The following PTPRD variants were observed in gnomAD, a reference collection of about 807,000 sequenced individuals.
PTPRD encodes protein tyrosine phosphatase receptor type D, also known as receptor-type tyrosine-protein phosphatase delta.
Under a neutral mutation model 214.5 loss-of-function variants are expected in PTPRD, and 34 were observed. That is an observed-to-expected ratio of 0.16 (90% CI 0.12 to 0.21). The LOEUF (loss-of-function observed/expected upper bound fraction) is 0.21. Among genes scored for constraint, PTPRD ranks in the 10% least tolerant of loss-of-function variants. PTPRD has a pLI of 1.00. For missense variants in PTPRD, 2,545 were observed against 2,398.7 expected, an observed-to-expected ratio of 1.06 and a Z score of -1.27; for synonymous variants, 1,128 against 845.7, an observed-to-expected ratio of 1.33 and a Z score of -5.79.
At position 8,986,653 on chromosome 9, in the gene PTPRD, G is replaced by A. The variant is rs1464801307; in HGVS notation, c.-104+32044C>T. On this transcript the variant is annotated intron_variant, in intron 11 of 45. Coordinates refer to ENST00000381196, the MANE Select transcript of PTPRD (RefSeq NM_002839.4). ...ATATTTAGCCCTCATAAATAATTGC[G>A]GTGAACATCTTAGAACACAAATTTT... Among the ~76,000 whole-genome samples the A allele has an allele frequency of 4.0e-5, 6 of 151,738 alleles. No individual in the cohort carries two copies. The South Asian group carries it at 8.3e-4, about 21-fold the overall frequency.
At chr9:9,684,533 T>G (rs2097134475) in intron 7 of PTPRD, among the ~76,000 whole-genome samples, 1 of 151,704 alleles carries the variant, frequency 6.6e-6, no homozygotes, top group African/African-American at 2.4e-5. Flanking sequence ...GCTTATTATT[T>G]TAGCTGGTAA....
At chr9:8,815,882 T>C (rs953232947) in intron 11 of PTPRD, among the ~76,000 whole-genome samples, 2 of 152,246 alleles carry the variant, frequency 1.3e-5, no homozygotes, top group African/African-American at 4.8e-5. Context: ...TATTATTGAA[T>C]GTACAAGTGA....
intron 11 of PTPRD, among the ~76,000 whole-genome samples, chr9:8,962,386 A>G (rs2099163247): frequency 6.6e-6 from 1 of 152,116 alleles, no homozygotes; most frequent in Non-Finnish European, 1.5e-5. Context: ...CTTTCCTATG[A>G]AAACATGCAG....
rs777180044 is a variant in PTPRD at position 9,630,332 on chromosome 9, A to G, written c.-286-55551T>C. On this transcript the variant is annotated intron_variant, in intron 7 of 45. Transcript: ENST00000381196. ...ATCTTTTCCAGTTACCTAAGAAGAG[A>G]CCTGCTCTTTTCCTGATTTCCCCTC... is the stretch of plus-strand genomic sequence containing the variant. Among the ~76,000 whole-genome samples the G allele has an allele frequency of 3.1e-4, 47 of 152,266 alleles. No individual in the cohort carries two copies. The Middle Eastern group carries it at 0.01, about 33-fold the overall frequency.
At chr9:8,678,447 A>C (rs1157465267) in intron 12 of PTPRD, among the ~76,000 whole-genome samples, 2 of 152,150 alleles carry the variant, frequency 1.3e-5, no homozygotes, top group Admixed American at 6.5e-5. Flanking sequence ...GAGAGAATCT[A>C]TACTCTCTTG....
chr9:10,126,026 A>G (rs1220569674), intron 3 of PTPRD, among the ~76,000 whole-genome samples: 1 of 152,150 alleles, frequency 6.6e-6, no homozygotes, highest in East Asian at 1.9e-4. Context: ...TTGGGAAGAG[A>G]ACAGAAATAG....
intron 3 of PTPRD, among the ~76,000 whole-genome samples, chr9:10,217,743 C>T (rs1005973996): frequency 9.2e-5 from 14 of 151,856 alleles, no homozygotes; most frequent in African/African-American, 3.4e-4. Context: ...ATAATAATGG[C>T]CTATCATGTG....
chr9:9,173,668 G>C (rs949065386), intron 10 of PTPRD, among the ~76,000 whole-genome samples: 1 of 152,030 alleles, frequency 6.6e-6, no homozygotes, highest in African/African-American at 2.4e-5. Flanking sequence ...TCTAAACATA[G>C]AAAAGGTAAA....
intron 4 of PTPRD, among the ~76,000 whole-genome samples, chr9:10,023,880 G>A (rs2096871492): frequency 1.3e-5 from 2 of 151,944 alleles, no homozygotes; most frequent in Non-Finnish European, 2.9e-5. Context: ...TTGTTCTTAT[G>A]CTTCAAAATG....
At chr9:8,341,447 G>A (rs909168309) in intron 40 of PTPRD, among the ~76,000 whole-genome samples, 179 bp from the exon 41 acceptor site, 1 of 151,954 alleles carries the variant, frequency 6.6e-6, no homozygotes, top group African/African-American at 2.4e-5. Context: ...ATAGCCTATT[G>A]GATTTCTATA....
intron 10 of PTPRD, among the ~76,000 whole-genome samples, chr9:9,117,965 T>C (rs2099813939): frequency 6.6e-6 from 1 of 152,112 alleles, no homozygotes; most frequent in African/African-American, 2.4e-5. Context: ...GAAAAATAAA[T>C]TTTAAAATTA....
chr9:8,897,341 A>G (rs1429219710), intron 11 of PTPRD, among the ~76,000 whole-genome samples: 2 of 152,090 alleles, frequency 1.3e-5, no homozygotes, highest in African/African-American at 4.8e-5. Flanking sequence ...TAGCATGGTC[A>G]GAAGGTATGG....
chr9:9,395,149 T>C (rs2067298938), intron 9 of PTPRD, among the ~76,000 whole-genome samples: 1 of 150,870 alleles, frequency 6.6e-6, no homozygotes, highest in African/African-American at 2.4e-5. Flanking sequence ...AGAAGATGAC[T>C]ACTCCCAGTT....
At chr9:10,109,403 G>T (rs980469227) in intron 3 of PTPRD, among the ~76,000 whole-genome samples, 1 of 152,170 alleles carries the variant, frequency 6.6e-6, no homozygotes, top group Non-Finnish European at 1.5e-5. Context: ...GTTGTTTGCT[G>T]TAAGAAGTAA....
chr9:10,490,523 A>G (rs1212078201), intron 2 of PTPRD, among the ~76,000 whole-genome samples: 1 of 152,164 alleles, frequency 6.6e-6, no homozygotes, highest in Non-Finnish European at 1.5e-5. Context: ...AGTCTGTCAT[A>G]AAGTCCCTGG....
intron 11 of PTPRD, among the ~76,000 whole-genome samples, chr9:8,738,463 C>A (rs1278167772): frequency 1.3e-5 from 2 of 151,728 alleles, no homozygotes; most frequent in Non-Finnish European, 2.9e-5. Context: ...TAGAAAATGG[C>A]AGATTATAGG....
intron 8 of PTPRD, among the ~76,000 whole-genome samples, chr9:9,550,144 T>G (rs989954016): frequency 2.0e-5 from 3 of 151,884 alleles, no homozygotes; most frequent in Non-Finnish European, 2.9e-5. Flanking sequence ...TTGAAGGCCT[T>G]AAGAGAAAAG....
intron 7 of PTPRD, among the ~76,000 whole-genome samples, chr9:9,619,373 A>G (rs1199713424): frequency 6.6e-6 from 1 of 151,874 alleles, no homozygotes. Flanking sequence ...GGCTTCAAAT[A>G]TCACAGAAGG....
At chr9:9,600,167 C>T (rs560497494) in intron 7 of PTPRD, among the ~76,000 whole-genome samples, 27 of 152,096 alleles carry the variant, frequency 1.8e-4, no homozygotes, top group Admixed American at 9.8e-4. Flanking sequence ...TACAAGAAAG[C>T]ATAGAAACAA....
Sources: gnomAD v4.1 joint callset for allele counts (sites outside exome capture counted in the v4.1 genomes callset) on GRCh38, gnomAD v4.1.1 for gene constraint, MANE v1.5 for transcripts, NCBI Gene and HGNC (gene_info 2026-07-23, HGNC 2026-07-21) for gene names.